Variants in RAD51B observed in about 807,000 individuals in gnomAD.
The protein encoded by RAD51B is RAD51 paralog B, also known as DNA repair protein RAD51 homolog 2.
Under a neutral mutation model 42.2 loss-of-function variants are expected in RAD51B, and 38 were observed. The ratio of observed to expected loss-of-function variants is 0.90; its 90% CI spans 0.70 to 1.18. RAD51B has a LOEUF of 1.18. Among genes scored for constraint, RAD51B ranks in the 50% most tolerant of loss-of-function variants. The pLI is 0.00. For missense variants in RAD51B, 373 were observed against 400.7 expected (o/e 0.93, Z 0.59); for synonymous variants, 154 against 145.2 (o/e 1.06, Z -0.43).
intron 4 of RAD51B, among the ~76,000 whole-genome samples, chr14:67,863,176 A>G (rs1398884694): frequency 1.8e-5 from 1 of 55,636 alleles, no homozygotes; most frequent in African/African-American, 7.9e-5. Context: ...TTTTTTTTTG[A>G]GACATGGTCT....
intron 9 of RAD51B, among the ~76,000 whole-genome samples, chr14:68,453,779 C>T (rs2085615542): frequency 6.6e-6 from 1 of 152,128 alleles, no homozygotes; most frequent in Non-Finnish European, 1.5e-5. Flanking sequence ...GTGGATCCCA[C>T]CGTTTACAAA....
At chr14:68,110,799 T>A (rs971232182) in intron 7 of RAD51B, among the ~76,000 whole-genome samples, 6 of 152,014 alleles carry the variant, frequency 3.9e-5, no homozygotes, top group Non-Finnish European at 8.8e-5. Context: ...AAGCCCATGA[T>A]CTATTATGCG....
At chr14:68,460,683 T>A (rs1312060332) in intron 9 of RAD51B, among the ~76,000 whole-genome samples, 1 of 152,222 alleles carries the variant, frequency 6.6e-6, no homozygotes, top group Non-Finnish European at 1.5e-5. Flanking sequence ...CCCAGCACTT[T>A]CTGTTCTGTG....
rs2075317838 is a variant in RAD51B, at chr14:67,992,833, T to C, written c.756+105629T>C. On this transcript the variant is annotated intron_variant, in intron 7 of 10. Transcript: ENST00000471583. The stretch of plus-strand genomic sequence containing the variant: ...AAAAACAAGGTGATCACACTGCAGC[T>C]ATAAGAAGATAGTGCTATGAAATGA... Among the ~76,000 whole-genome samples, 3 of 152,184 alleles carry C rather than the reference T, an allele frequency of 2.0e-5. No individual in the cohort carries two copies. In the South Asian group the frequency reaches 6.2e-4, roughly 31 times the overall value.
At chr14:68,239,770 A>C (rs534530588) in intron 7 of RAD51B, among the ~76,000 whole-genome samples, 1 of 152,268 alleles carries the variant, frequency 6.6e-6, no homozygotes. Context: ...ATATTCCAAC[A>C]ATCTCATTTC....
At chr14:67,819,982 G>GC (rs899257850) in intron 1 of RAD51B, 129 bp downstream of exon 1, 2 of 152,148 alleles carry the variant, frequency 1.3e-5, no homozygotes, top group Non-Finnish European at 2.9e-5. Flanking sequence ...TGCTGGTCAC[G>GC]CCCCCTTAAG....
At chr14:68,446,772 T>C (rs915620706) in intron 9 of RAD51B, among the ~76,000 whole-genome samples, 15 of 152,134 alleles carry the variant, frequency 9.9e-5, no homozygotes, top group African/African-American at 3.6e-4. Context: ...TGAATTAATA[T>C]AAGATTATGA....
intron 10 of RAD51B, among the ~76,000 whole-genome samples, chr14:68,530,150 A>G (rs1295533477): frequency 6.6e-6 from 1 of 152,118 alleles, no homozygotes; most frequent in African/African-American, 2.4e-5. Context: ...AAATGATAGT[A>G]TTAAAAGTTG....
chr14:68,490,737 G>A (rs1443255216), intron 10 of RAD51B, among the ~76,000 whole-genome samples: 3 of 152,186 alleles, frequency 2.0e-5, no homozygotes, highest in Non-Finnish European at 2.9e-5. Flanking sequence ...AACAAAGAGC[G>A]TGGGGTATGG....
chr14:67,854,659 T>G, intron 4 of RAD51B, among the ~76,000 whole-genome samples: 1 of 148,292 alleles, frequency 6.7e-6, no homozygotes. Flanking sequence ...TATTCAGAGA[T>G]ATCATCAAAA....
intron 8 of RAD51B, among the ~76,000 whole-genome samples, chr14:68,306,979 G>T (rs554898595): frequency 6.6e-6 from 1 of 151,650 alleles, no homozygotes; most frequent in African/African-American, 2.4e-5. Context: ...CTACATGACA[G>T]CTCCTCTTGG....
intron 10 of RAD51B, chr14:68,497,581 C>T (rs577598640): frequency 2.2e-5 from 21 of 976,612 alleles, no homozygotes; most frequent in Middle Eastern, 4.5e-4. Context: ...TAAACAATTC[C>T]GTGGCAACTA....
chr14:68,596,148 A>T, downstream of RAD51B: 1 of 522,054 alleles, frequency 1.9e-6, no homozygotes, highest in Non-Finnish European at 2.5e-6. Flanking sequence ...CTGGGGCAAG[A>T]GGCACAGAAT....
rs1250000644 is a variant in RAD51B, at chr14:68,611,055, A to G, written c.1086A>G (p.Ala362=). ...GCCCCAGGTCAGAATGCTGGTCAGC[A>G]GCAGACTCACATCCCAGCCCTACCT... The change falls in exon 11 of 11, where the codon GCA becomes GCG. Residue 362 remains alanine, a synonymous_variant. Transcript: ENST00000487861. 1.3e-5 allele frequency: 9 copies of G among 703,230 alleles called. No individual in the cohort carries two copies. The South Asian group carries it at 1.3e-4, about 10-fold the overall frequency. 43.6% of individuals were successfully genotyped at this position (703,230 alleles called of 1,614,324 possible). A position where few individuals can be genotyped will look rare whatever the true frequency, so the allele number is the denominator to read the frequency against.
At chr14:67,829,782 G>T (rs1165544430) in intron 3 of RAD51B, among the ~76,000 whole-genome samples, 12 of 152,112 alleles carry the variant, frequency 7.9e-5, no homozygotes, top group Admixed American at 7.9e-4. Flanking sequence ...CAGCCCTCTT[G>T]TAGTTTACAG....
rs141351112 is a variant in RAD51B at position 68,394,316 on chromosome 14, G to A, written c.854-17108G>A. On this transcript the variant is annotated intron_variant, in intron 8 of 10. Coordinates refer to ENST00000471583, the MANE Select transcript of RAD51B (RefSeq NM_133510.4). ...CCAGGAAGGACGGGCTCGCCAGCTG[G>A]CCAGAGGTTCCTGTATTAGTGCTGC... 4.1e-3 allele frequency among the ~76,000 whole-genome samples: 623 copies of A among 152,304 alleles called. 1 individual carries two copies. The highest frequency in any genetic ancestry group is 0.014 in the African/African-American group (586 of 41,568).
At chr14:68,330,591 G>A (rs2082328522) in intron 8 of RAD51B, among the ~76,000 whole-genome samples, 2 of 152,158 alleles carry the variant, frequency 1.3e-5, no homozygotes. Flanking sequence ...AACACTGGCT[G>A]GTTTGCCTTA....
At chr14:67,957,438 C>G (rs1353656705) in intron 7 of RAD51B, among the ~76,000 whole-genome samples, 3 of 152,176 alleles carry the variant, frequency 2.0e-5, no homozygotes, top group Admixed American at 1.3e-4. Context: ...CCCCATGCAC[C>G]TTCCATCTAT....
At chr14:68,640,806 G>A (rs1034726785) in intron 10 of RAD51B, among the ~76,000 whole-genome samples, 1 of 152,214 alleles carries the variant, frequency 6.6e-6, no homozygotes, top group Non-Finnish European at 1.5e-5. Flanking sequence ...TTGTCAGATT[G>A]CATCCTTTAA....
Sources: gnomAD v4.1 joint callset for allele counts (sites outside exome capture counted in the v4.1 genomes callset) on GRCh38, gnomAD v4.1.1 for gene constraint, MANE v1.5 for transcripts, NCBI Gene and HGNC (gene_info 2026-07-23, HGNC 2026-07-21) for gene names.